The following NBAS variants were observed in gnomAD, a reference collection of about 807,000 sequenced individuals.
The protein encoded by NBAS is NBAS subunit of NRZ tethering complex.
Under a neutral mutation model 302.5 loss-of-function variants are expected in NBAS, and 219 were observed. The observed-to-expected ratio is 0.72, with a 90% confidence interval of 0.65 to 0.81. The LOEUF (loss-of-function observed/expected upper bound fraction) is 0.81, where lower values mean the gene tolerates loss of function less well. NBAS is among the 30% of genes least tolerant of loss of function. NBAS has a pLI of 0.00. For synonymous variants in NBAS, 1,118 were observed against 1,021.6 expected (o/e 1.09, Z -1.80); for missense variants, 2,932 against 2,841.6 (o/e 1.03, Z -0.72).
intron 37 of NBAS, 124 bp downstream of exon 37, chr2:15,328,075 C>T: frequency 8.4e-7 from 1 of 1,190,772 alleles, no homozygotes. Context: ...ATGTAAAAAC[C>T]AATGAATAAC....
rs13394789 is a variant in NBAS at position 15,440,697 on chromosome 2, C to G, written c.2340-12903G>C. ...GAGTTGAGAGAAGGCTTCAGATGAT[C>G]CAACTACTCCGAGCTACAGGAGGAA... On this transcript the variant is annotated intron_variant, in intron 21 of 51. Transcript: ENST00000281513. Among the ~76,000 whole-genome samples, 1,400 of 152,262 alleles carry G rather than the reference C, an allele frequency of 9.2e-3. 15 individuals are homozygous for G. Among genetic ancestry groups the G allele is most frequent in the African/African-American group, 0.032 (1,325 of 41,560 alleles).
chr2:14,895,542 TCCTGG>T, the NBAS span, among the ~76,000 whole-genome samples: 1 of 152,032 alleles, frequency 6.6e-6, no homozygotes, highest in African/African-American at 2.4e-5. Flanking sequence ...ATGGAGACCA[TCCTGG>T]CTAACACGGT....
chr2:15,204,491 G>A (rs953003563), intron 48 of NBAS, among the ~76,000 whole-genome samples: 2 of 152,140 alleles, frequency 1.3e-5, no homozygotes, highest in African/African-American at 4.8e-5. Flanking sequence ...TAAACTCTGT[G>A]AGACTGGGCT....
chr2:15,356,697 T>C (rs1174274638), intron 32 of NBAS, among the ~76,000 whole-genome samples: 1 of 152,104 alleles, frequency 6.6e-6, no homozygotes, highest in Non-Finnish European at 1.5e-5. Flanking sequence ...TACAAAAAAG[T>C]CTTGGTATTA....
At chr2:15,308,092 G>T in intron 40 of NBAS, 124 bp downstream of exon 40, 1 of 1,430,128 alleles carries the variant, frequency 7.0e-7, no homozygotes, top group Non-Finnish European at 9.7e-7. Flanking sequence ...AGAGCTGCCT[G>T]CCACTTGGAA....
chr2:15,021,706 C>T, the NBAS span, among the ~76,000 whole-genome samples: 1 of 152,188 alleles, frequency 6.6e-6, no homozygotes, highest in Non-Finnish European at 1.5e-5. Flanking sequence ...CATAGTGGCT[C>T]AGCCCCTGAC....
chr2:15,159,733 A>G, the NBAS span, among the ~76,000 whole-genome samples: 1 of 152,124 alleles, frequency 6.6e-6, no homozygotes, highest in Admixed American at 6.5e-5. Flanking sequence ...TGAACTGTAC[A>G]GTAAGAAAGG....
At chr2:15,400,434 G>A (rs1050587426) in intron 26 of NBAS, among the ~76,000 whole-genome samples, 2 of 152,248 alleles carry the variant, frequency 1.3e-5, no homozygotes, top group African/African-American at 2.4e-5. Context: ...TAATCATAAT[G>A]ATGAAAACAC....
At chr2:15,349,389 A>G (rs1673245270) in intron 35 of NBAS, among the ~76,000 whole-genome samples, 1 of 152,224 alleles carries the variant, frequency 6.6e-6, no homozygotes, top group African/African-American at 2.4e-5. Flanking sequence ...TTCACATCCA[A>G]TGAGGGAAAA....
At chr2:14,800,510 T>A in the NBAS span, among the ~76,000 whole-genome samples, 30 of 152,344 alleles carry the variant, frequency 2.0e-4, no homozygotes, top group Non-Finnish European at 3.4e-4. Flanking sequence ...AGTGTGAAAG[T>A]GGACTAATAT....
the NBAS span, among the ~76,000 whole-genome samples, chr2:14,899,210 T>A: frequency 6.6e-6 from 1 of 152,146 alleles, no homozygotes; most frequent in Non-Finnish European, 1.5e-5. Context: ...CATTCTGCAG[T>A]AAAGCAGTCC....
the NBAS span, among the ~76,000 whole-genome samples, chr2:14,816,900 G>C: frequency 3.3e-5 from 5 of 152,164 alleles, no homozygotes; most frequent in African/African-American, 1.2e-4. Context: ...AGTTAAACAA[G>C]TGGGAAAAGA....
chr2:15,465,680 T>C (rs561240216), intron 19 of NBAS, among the ~76,000 whole-genome samples: 41 of 152,284 alleles, frequency 2.7e-4, no homozygotes, highest in African/African-American at 8.9e-4. Context: ...TTCATCAAAT[T>C]CACCTACTTT....
At chr2:15,543,878 T>A (rs557871039) in intron 6 of NBAS, among the ~76,000 whole-genome samples, 4 of 152,196 alleles carry the variant, frequency 2.6e-5, no homozygotes, top group Non-Finnish European at 5.9e-5. Context: ...AATCTATAAA[T>A]TCCAAAATGT....
At chr2:15,540,787 ATCTGGGC>A (rs1663777404) in intron 6 of NBAS, among the ~76,000 whole-genome samples, 1 of 151,416 alleles carries the variant, frequency 6.6e-6, no homozygotes, top group Non-Finnish European at 1.5e-5. Flanking sequence ...CAGTGGCGCG[ATCTGGGC>A]TCACTGCAAC....
intron 2 of NBAS, among the ~76,000 whole-genome samples, chr2:15,557,436 T>C (rs1453898988): frequency 1.3e-5 from 2 of 152,178 alleles, no homozygotes; most frequent in East Asian, 3.8e-4. Context: ...CTATAGTGTC[T>C]GTATTTTCTA....
chr2:15,404,500 CT>C (rs546532032), intron 25 of NBAS, among the ~76,000 whole-genome samples: 4,463 of 148,882 alleles, frequency 0.03, 120 homozygotes, highest in African/African-American at 0.065. Context: ...TAAATAATCA[CT>C]TTTTTTTTTA....
intron 21 of NBAS, among the ~76,000 whole-genome samples, chr2:15,440,343 C>T (rs908724051): frequency 2.6e-5 from 4 of 152,196 alleles, no homozygotes; most frequent in Admixed American, 6.5e-5. Context: ...GCAGCATTCG[C>T]GGTTCACGAA....
the NBAS span, among the ~76,000 whole-genome samples, chr2:14,973,982 T>C: frequency 2.2e-4 from 33 of 152,316 alleles, no homozygotes; most frequent in African/African-American, 7.7e-4. Flanking sequence ...ATTCTCATTC[T>C]TCAAGACCTA....
Sources: allele counts gnomAD v4.1 joint callset (sites outside exome capture counted in the v4.1 genomes callset), GRCh38; gene constraint gnomAD v4.1.1; transcripts MANE v1.5; gene names NCBI Gene and HGNC (gene_info 2026-07-23, HGNC 2026-07-21).